SPTLC3: variants seen among roughly 807,000 people sequenced by gnomAD.
SPTLC3 encodes the protein serine palmitoyltransferase 3.
A neutral mutation model predicts 59.3 loss-of-function variants in SPTLC3; 36 were observed. The ratio of observed to expected loss-of-function variants is 0.61; its 90% CI spans 0.47 to 0.80. The LOEUF (loss-of-function observed/expected upper bound fraction) is 0.80. Ranked by LOEUF, SPTLC3 falls within the 30% of genes least tolerant of loss-of-function variation. The pLI, the probability that SPTLC3 is intolerant of heterozygous loss-of-function variation, is 0.00. For synonymous variants in SPTLC3, 257 were observed against 240.8 expected, an observed-to-expected ratio of 1.07 and a Z score of -0.62; for missense variants, 625 against 685.1, an observed-to-expected ratio of 0.91 and a Z score of 0.98.
intron 1 of SPTLC3, among the ~76,000 whole-genome samples, chr20:13,025,452 T>A (rs913457507): frequency 2.1e-4 from 32 of 152,206 alleles, no homozygotes; most frequent in African/African-American, 7.5e-4. Context: ...TGACCTTGCA[T>A]AAGCAGTTTA....
chr20:13,161,929 T>A (rs1181252946), intron 11 of SPTLC3, among the ~76,000 whole-genome samples: 2 of 152,180 alleles, frequency 1.3e-5, no homozygotes, highest in Non-Finnish European at 2.9e-5. Flanking sequence ...ACAGTACAAA[T>A]TATTGAGTAG....
rs1987353216 is a variant in SPTLC3, at chr20:13,049,028, C to T, written c.201C>T (p.Tyr67=). ...CCCTTCATGTTATGGTTTTCACTTA[C>T]ATGGGATATGGAATTGGAACCCTGT... ...EAPLHVMVFT[Y]MGYGIGTLFG... The change falls in exon 2 of 12, where the codon TAC becomes TAT. Residue 67 remains tyrosine (Y), a synonymous_variant. Transcript: ENST00000399002. 6.2e-7 allele frequency: 1 copy of T among 1,613,398 alleles called. No homozygotes were observed. Among genetic ancestry groups the T allele is most frequent in the African/African-American group, 1.3e-5 (1 of 74,994 alleles).
intron 1 of SPTLC3, among the ~76,000 whole-genome samples, chr20:13,020,295 T>G (rs2122384276): frequency 6.6e-6 from 1 of 151,702 alleles, no homozygotes; most frequent in African/African-American, 2.4e-5. Context: ...GAGGGTCAGT[T>G]GAGACTAGGA....
chr20:13,117,126 C>T (rs1479871838), intron 7 of SPTLC3, among the ~76,000 whole-genome samples: 1 of 152,188 alleles, frequency 6.6e-6, no homozygotes, highest in African/African-American at 2.4e-5. Context: ...CAATGCCAGG[C>T]TGATAAAGGG....
chr20:13,035,840 C>A (rs936449639), intron 1 of SPTLC3, among the ~76,000 whole-genome samples: 6 of 152,130 alleles, frequency 3.9e-5, no homozygotes, highest in African/African-American at 1.4e-4. Context: ...TTAAAATACT[C>A]ATTTCTTAAA....
intron 1 of SPTLC3, among the ~76,000 whole-genome samples, chr20:13,033,675 T>C (rs1986602809): frequency 6.6e-6 from 1 of 152,200 alleles, no homozygotes; most frequent in Non-Finnish European, 1.5e-5. Context: ...ATTTAAAAGA[T>C]AATAAGAGAT....
At chr20:13,025,086 A>G (rs913401851) in intron 1 of SPTLC3, among the ~76,000 whole-genome samples, 3 of 152,238 alleles carry the variant, frequency 2.0e-5, no homozygotes, top group East Asian at 1.9e-4. Flanking sequence ...AATAAGAGCC[A>G]CATGTAGAAA....
At chr20:13,088,507 C>T (rs1411836249) in intron 4 of SPTLC3, among the ~76,000 whole-genome samples, 4 of 149,968 alleles carry the variant, frequency 2.7e-5, no homozygotes, top group Admixed American at 1.3e-4. Flanking sequence ...GCTAATTTTT[C>T]GTATTTTTAG....
chr20:13,054,981 GT>G (rs1987659151), intron 2 of SPTLC3, among the ~76,000 whole-genome samples: 1 of 152,054 alleles, frequency 6.6e-6, no homozygotes, highest in Admixed American at 6.5e-5. Context: ...GTTAACAGTA[GT>G]TTAGAAACGA....
At chr20:13,048,796 AT>A (rs1987341861) in intron 1 of SPTLC3, 148 bp from the exon 2 acceptor site, 2 of 672,400 alleles carry the variant, frequency 3.0e-6, no homozygotes, top group East Asian at 3.0e-5. Flanking sequence ...TGCATTTTTG[AT>A]TACCCTCTTC....
chr20:13,053,618 A>G (rs1242523200), intron 2 of SPTLC3, among the ~76,000 whole-genome samples: 1 of 152,128 alleles, frequency 6.6e-6, no homozygotes, highest in African/African-American at 2.4e-5. Context: ...GTTCTAACCC[A>G]ATGCAAGGAA....
chr20:13,119,300 A>C (rs1015731055), intron 8 of SPTLC3, among the ~76,000 whole-genome samples: 1 of 152,202 alleles, frequency 6.6e-6, no homozygotes, highest in Non-Finnish European at 1.5e-5. Flanking sequence ...GGTGGATGTC[A>C]CATTTTTCCC....
At chr20:13,088,436 A>G (rs1012885057) in intron 4 of SPTLC3, among the ~76,000 whole-genome samples, 70 of 151,528 alleles carry the variant, frequency 4.6e-4, no homozygotes, top group African/African-American at 1.6e-3. Context: ...CCGGGTTCAC[A>G]TCATTCTCCT....
At chr20:13,075,134 CA>C (rs34927240) in intron 4 of SPTLC3, among the ~76,000 whole-genome samples, 16,099 of 137,006 alleles carry the variant, frequency 0.12, 874 homozygotes, top group Middle Eastern at 0.18. Flanking sequence ...TTCATTTATT[CA>C]AAAAAAAAAA....
Position 13,073,299 on chromosome 20 carries a change from T to C in SPTLC3, c.458+889T>C, listed in dbSNP as rs74372679. Among the ~76,000 whole-genome samples the C allele has an allele frequency of 4.6e-3, 697 of 152,260 alleles. 4 individuals carry two copies. The highest frequency in any genetic ancestry group is 0.015 in the African/African-American group (621 of 41,544). On this transcript the variant is annotated intron_variant, in intron 3 of 11. Coordinates refer to ENST00000399002, the MANE Select transcript of SPTLC3 (RefSeq NM_018327.4). ...CTCCCACGTTATAGGTAAAAAGAAA[T>C]GTGATATTTGACTGCTGTGCCTTGC... is the stretch of plus-strand genomic sequence containing the variant.
rs141670130 is a variant in SPTLC3, at chr20:13,075,745, A to G, written c.607+1248A>G. Among the ~76,000 whole-genome samples, 3 of 152,218 alleles carry G rather than the reference A, an allele frequency of 2.0e-5. No individual in the cohort carries two copies. The East Asian group carries it at 5.8e-4, about 29-fold the overall frequency. ...AGCCATAAGGAGCACAGAGTCAGTA[A>G]CCATTTGAGATATTTCCTCTGGTGC... On this transcript the variant is annotated intron_variant, in intron 4 of 11. Transcript: ENST00000399002.
intron 1 of SPTLC3, among the ~76,000 whole-genome samples, chr20:13,017,686 A>G (rs1985603149): frequency 6.6e-6 from 1 of 152,164 alleles, no homozygotes; most frequent in Non-Finnish European, 1.5e-5. Context: ...GCTCAAGACA[A>G]TTCTTCTTCC....
chr20:13,161,457 C>T (rs1213967067), intron 11 of SPTLC3, among the ~76,000 whole-genome samples: 2 of 152,080 alleles, frequency 1.3e-5, no homozygotes, highest in Non-Finnish European at 2.9e-5. Context: ...TGTAATTGTC[C>T]AGATATGAGC....
chr20:13,021,795 C>T (rs1293831830), intron 1 of SPTLC3, among the ~76,000 whole-genome samples: 1 of 152,158 alleles, frequency 6.6e-6, no homozygotes, highest in Non-Finnish European at 1.5e-5. Context: ...CAGAAGTAAA[C>T]TTTGCCTTGC....
Sources: allele counts gnomAD v4.1 joint callset (sites outside exome capture counted in the v4.1 genomes callset), GRCh38; gene constraint gnomAD v4.1.1; transcripts MANE v1.5; gene names NCBI Gene and HGNC (gene_info 2026-07-23, HGNC 2026-07-21).